PZP: variants seen among roughly 807,000 people sequenced by gnomAD.
PZP encodes the protein pregnancy zone protein.
A neutral mutation model predicts 179.8 loss-of-function variants in PZP; 150 were observed. The ratio of observed to expected loss-of-function variants is 0.83; its 90% CI spans 0.73 to 0.96. The LOEUF (loss-of-function observed/expected upper bound fraction) is 0.96. Among genes scored for constraint, PZP ranks in the 40% least tolerant of loss-of-function variants. PZP has a pLI of 0.00. For synonymous variants in PZP, 624 were observed against 652.3 expected (o/e 0.96, Z 0.66); for missense variants, 1,689 against 1,764.0 (o/e 0.96, Z 0.76).
At chr12:9,140,490 G>T in the PZP span, among the ~76,000 whole-genome samples, 1 of 152,174 alleles carries the variant, frequency 6.6e-6, no homozygotes, top group Non-Finnish European at 1.5e-5. Flanking sequence ...GCCAGTAACC[G>T]TTATTAAAAA....
At chr12:9,143,274 A>C in the PZP span, among the ~76,000 whole-genome samples, 1 of 152,192 alleles carries the variant, frequency 6.6e-6, no homozygotes, top group South Asian at 2.1e-4. Flanking sequence ...GAACACAAGC[A>C]ATACCTTCGA....
chr12:9,144,094 G>T (rs1393435575), downstream of PZP, among the ~76,000 whole-genome samples: 1 of 152,122 alleles, frequency 6.6e-6, no homozygotes, highest in Non-Finnish European at 1.5e-5. Flanking sequence ...CCAGTTGGCT[G>T]GATTAGTGTC....
At chr12:9,199,168 C>T (rs188594536) in intron 7 of PZP, among the ~76,000 whole-genome samples, 4 of 152,244 alleles carry the variant, frequency 2.6e-5, no homozygotes, top group South Asian at 2.1e-4. Flanking sequence ...TCATCACTGC[C>T]GATTCTGAGT....
downstream of PZP, among the ~76,000 whole-genome samples, chr12:9,147,798 A>C (rs951448962): frequency 4.6e-5 from 7 of 152,234 alleles, no homozygotes; most frequent in African/African-American, 1.7e-4. Flanking sequence ...TCTGGAACTC[A>C]GAACCTATTA....
chr12:9,195,668 G>A (rs1393073885), intron 10 of PZP, among the ~76,000 whole-genome samples: 2 of 135,774 alleles, frequency 1.5e-5, no homozygotes, highest in South Asian at 2.4e-4. Context: ...TACTAGGGCC[G>A]ATCTAGAACT....
In PZP at chr12:9,170,325, G is replaced by T. The variant is rs1335182872; in HGVS notation, c.1840-734C>A. ...TGTGAGCCCATGCCACCAGGGTCTT[G>T]GGTCTGATACACAAAGCTATGTGGA... On this transcript the variant is annotated intron_variant, in intron 15 of 35. Transcript: ENST00000261336. This position sits in a 1 kb window ranked among gnomAD's most constrained non-coding sequence, Gnocchi z 4.6. 6.6e-6 allele frequency among the ~76,000 whole-genome samples: 1 copy of T among 152,182 alleles called. No homozygotes were observed. Among genetic ancestry groups the T allele is most frequent in the Non-Finnish European group, 1.5e-5 (1 of 68,032 alleles).
intron 1 of PZP, among the ~76,000 whole-genome samples, chr12:9,207,987 A>G (rs1003236756): frequency 6.6e-6 from 1 of 152,144 alleles, no homozygotes; most frequent in Non-Finnish European, 1.5e-5. Context: ...ATCCAAAAGA[A>G]CTGTTCTGTG....
chr12:9,192,323 C>T, intron 12 of PZP, 67 bp from the exon 13 acceptor site: 2 of 1,482,066 alleles, frequency 1.3e-6, no homozygotes, highest in Middle Eastern at 1.7e-4. Context: ...CTATTCCCCA[C>T]ATGACCCACT....
At chr12:9,142,690 A>G in the PZP span, among the ~76,000 whole-genome samples, 1 of 152,146 alleles carries the variant, frequency 6.6e-6, no homozygotes, top group Non-Finnish European at 1.5e-5. Flanking sequence ...TTTTTTTTCT[A>G]ATTTTCCAAT....
At chr12:9,148,502 A>T (rs867210479), downstream of PZP, among the ~76,000 whole-genome samples, 2 of 152,080 alleles carry the variant, frequency 1.3e-5, no homozygotes, top group African/African-American at 4.8e-5. Flanking sequence ...CCTAAAATGC[A>T]CTTTAATTAT....
chr12:9,158,390 T>A, intron 26 of PZP, 30 bp downstream of exon 26: 1 of 1,612,442 alleles, frequency 6.2e-7, no homozygotes, highest in Non-Finnish European at 8.5e-7. Flanking sequence ...TTGATGTGTG[T>A]CAGGCTCAGA....
rs757509523 is a variant in PZP at position 9,164,191 on chromosome 12, A to G, written c.2556T>C (p.Tyr852=). 3.1e-6 allele frequency: 5 copies of G among 1,610,190 alleles called. No individual in the cohort carries two copies. The highest frequency in any genetic ancestry group is 1.7e-5 in the Admixed American group (1 of 60,016). ...TTTGTCTCTCATTTCCACAGATACA[A>G]TAGGATTCTTCTCCCTTTGTATTTT... ...ASQNTKGEES[Y]CICGNERQTL... Residue 852 remains tyrosine, a synonymous_variant, in exon 20 of 36, where the codon TAT becomes TAC. Coordinates refer to ENST00000261336, the MANE Select transcript of PZP (RefSeq NM_002864.3).
At position 9,203,782 on chromosome 12, in the gene PZP, A is replaced by G; in HGVS notation, c.253T>C (p.Cys85Arg). The G allele has an allele frequency of 6.2e-7, 1 of 1,614,142 alleles. No individual in the cohort carries two copies. Among genetic ancestry groups the G allele is most frequent in the Non-Finnish European group, 8.5e-7 (1 of 1,180,022 alleles). Reference sequence around the variant, plus strand: ...GTAGCACTCACAGTGAAGGAGACACAGTGGAATAAGTCCTTCTCCGCCACC... The same window carrying G: ...GTAGCACTCACAGTGAAGGAGACACGGTGGAATAAGTCCTTCTCCGCCACC... ...DLVAEKDLFHCVSFTLPRISA... is the reference protein window; with the variant it reads ...DLVAEKDLFHRVSFTLPRISA... The change falls in exon 2 of 36, where the codon TGT (cysteine) becomes CGT (arginine). Residue 85 changes from cysteine to arginine, a missense_variant. By Grantham distance (180) the Cys-to-Arg change is radical. Transcript: ENST00000261336.
At chr12:9,182,349 T>A (rs1365030514) in intron 13 of PZP, among the ~76,000 whole-genome samples, 1 of 152,190 alleles carries the variant, frequency 6.6e-6, no homozygotes, top group Non-Finnish European at 1.5e-5. Context: ...TTCACTCACA[T>A]CTTTTTTATT....
chr12:9,158,492 C>T lies in PZP; in HGVS notation c.3222G>A (p.Thr1074=). The T allele has an allele frequency of 1.9e-6, 3 of 1,614,122 alleles. No individual in the cohort carries two copies. The highest frequency in any genetic ancestry group is 8.5e-7 in the Non-Finnish European group (1 of 1,180,028). ...IDEAHITQSL[T]WLSQMQKDNG... ...TGTCCTTCTGCATCTGGGAGAGCCA[C>T]GTGAGAGATTGGGTAATGTGTGCTT... The change falls in exon 26 of 36, where the codon ACG becomes ACA. Residue 1074 remains threonine (T), a synonymous_variant. Transcript: ENST00000261336.
intron 1 of PZP, among the ~76,000 whole-genome samples, chr12:9,205,412 A>C (rs1944397539): frequency 6.6e-6 from 1 of 152,184 alleles, no homozygotes; most frequent in Non-Finnish European, 1.5e-5. Flanking sequence ...AAGAATTGTT[A>C]AGCTGTCTCT....
intron 13 of PZP, 80 bp from the exon 14 acceptor site, chr12:9,182,197 TGC>T: frequency 7.9e-6 from 11 of 1,400,350 alleles, no homozygotes; most frequent in African/African-American, 1.4e-5. Context: ...AGGACACTAT[TGC>T]TTGGTCTTAT....
chr12:9,192,059 A>G (rs1259226001), intron 13 of PZP, 134 bp downstream of exon 13: 1 of 709,236 alleles, frequency 1.4e-6, no homozygotes, highest in African/African-American at 1.8e-5. Flanking sequence ...AAGAGTCATA[A>G]GACGAGTATT....
chr12:9,205,056 C>T (rs777944746), intron 1 of PZP, among the ~76,000 whole-genome samples: 1 of 151,910 alleles, frequency 6.6e-6, no homozygotes, highest in African/African-American at 2.4e-5. Flanking sequence ...TATGATTGCA[C>T]CAGTGCTTTC....
Sources: gnomAD v4.1 joint callset for allele counts (sites outside exome capture counted in the v4.1 genomes callset) on GRCh38, gnomAD v4.1.1 for gene constraint, Gnocchi (gnomAD v3.1) non-coding constraint, MANE v1.5 for transcripts, NCBI Gene and HGNC (gene_info 2026-07-23, HGNC 2026-07-21) for gene names.